Variants in GRM7 observed in about 807,000 individuals in gnomAD.
The protein encoded by GRM7 is glutamate metabotropic receptor 7, also known as metabotropic glutamate receptor 7.
In GRM7, 35 loss-of-function variants were observed where a neutral mutation model predicts 84.5. The observed-to-expected ratio is 0.41, with a 90% confidence interval of 0.32 to 0.55. The LOEUF (loss-of-function observed/expected upper bound fraction) is 0.55. GRM7 is among the 20% of genes least tolerant of loss of function. The pLI is 0.19. For missense variants in GRM7, 1,003 were observed against 1,194.6 expected, an observed-to-expected ratio of 0.84 and a Z score of 2.36; for synonymous variants, 487 against 455.1, an observed-to-expected ratio of 1.07 and a Z score of -0.89.
chr3:7,221,537 A>G (rs1696800929), intron 2 of GRM7, among the ~76,000 whole-genome samples: 1 of 151,936 alleles, frequency 6.6e-6, no homozygotes, highest in Non-Finnish European at 1.5e-5. Context: ...GACTTAGTCA[A>G]TCTCTTCTAA....
chr3:7,136,123 C>A (rs997304313), intron 1 of GRM7, among the ~76,000 whole-genome samples: 2 of 151,688 alleles, frequency 1.3e-5, no homozygotes, highest in Non-Finnish European at 2.9e-5. Context: ...CATAATATTT[C>A]TTTTTTTATT....
chr3:7,449,693 A>G (rs1326197641), intron 5 of GRM7, among the ~76,000 whole-genome samples: 1 of 152,166 alleles, frequency 6.6e-6, no homozygotes, highest in Non-Finnish European at 1.5e-5. Context: ...CATATAGTAA[A>G]GGCAGAACCT....
intron 4 of GRM7, among the ~76,000 whole-genome samples, chr3:7,377,948 C>T (rs1694424367): frequency 6.6e-6 from 1 of 152,164 alleles, no homozygotes; most frequent in Admixed American, 6.5e-5. Flanking sequence ...CACGGTGGTT[C>T]TCAGTCACAT....
intron 9 of GRM7, among the ~76,000 whole-genome samples, chr3:7,718,806 T>G (rs111828103): frequency 1.3e-3 from 192 of 152,248 alleles, no homozygotes; most frequent in African/African-American, 4.2e-3. Context: ...CAGGACTGAT[T>G]TTTCAGACGT....
At chr3:7,431,773 C>T (rs535000759) in intron 5 of GRM7, among the ~76,000 whole-genome samples, 4 of 152,104 alleles carry the variant, frequency 2.6e-5, no homozygotes, top group East Asian at 1.9e-4. Context: ...TGTTGTTCAC[C>T]GCAGTACACT....
At chr3:7,003,186 C>T (rs1363941707) in intron 1 of GRM7, among the ~76,000 whole-genome samples, 1 of 152,012 alleles carries the variant, frequency 6.6e-6, no homozygotes, top group African/African-American at 2.4e-5. Flanking sequence ...GCATGTTGAC[C>T]ACAGTTAATA....
chr3:6,865,752 GA>G (rs1336022280), intron 1 of GRM7, among the ~76,000 whole-genome samples: 1 of 152,026 alleles, frequency 6.6e-6, no homozygotes, highest in African/African-American at 2.4e-5. Context: ...GAAATACCTA[GA>G]TTTTTTTTTC....
chr3:7,705,535 G>A (rs1415720846), intron 9 of GRM7, among the ~76,000 whole-genome samples: 2 of 152,120 alleles, frequency 1.3e-5, no homozygotes, highest in Non-Finnish European at 2.9e-5. Context: ...GAAGTAGAGG[G>A]AATTATGAAA....
chr3:7,526,415 G>C (rs111815029), intron 7 of GRM7, among the ~76,000 whole-genome samples: 14,211 of 151,948 alleles, frequency 0.094, 824 homozygotes, highest in South Asian at 0.12. Flanking sequence ...GTTTCTTATA[G>C]ATTATGGATA....
chr3:7,424,197 C>T (rs1398784274), intron 5 of GRM7, among the ~76,000 whole-genome samples: 6 of 151,870 alleles, frequency 4.0e-5, no homozygotes, highest in Admixed American at 3.9e-4. Context: ...AGAGCAATAC[C>T]TGGTAGGGAT....
intron 4 of GRM7, among the ~76,000 whole-genome samples, chr3:7,386,936 T>C (rs1694808572): frequency 6.6e-6 from 1 of 152,204 alleles, no homozygotes; most frequent in Non-Finnish European, 1.5e-5. Flanking sequence ...ATCTGTTATG[T>C]TTTGATTTTT....
intron 1 of GRM7, among the ~76,000 whole-genome samples, chr3:7,098,495 T>C (rs909139808): frequency 6.6e-6 from 1 of 151,996 alleles, no homozygotes; most frequent in African/African-American, 2.4e-5. Context: ...TAGAATCAGA[T>C]ATGAGATTTT....
chr3:7,075,441 C>T (rs559427879), intron 1 of GRM7, among the ~76,000 whole-genome samples: 20 of 151,770 alleles, frequency 1.3e-4, no homozygotes, highest in Admixed American at 3.9e-4. Context: ...TTCAACTCCA[C>T]GTGGATAAGT....
intron 9 of GRM7, among the ~76,000 whole-genome samples, chr3:7,709,485 C>A (rs988649990): frequency 1.3e-5 from 2 of 152,072 alleles, no homozygotes; most frequent in African/African-American, 4.8e-5. Context: ...AAATGAGTGT[C>A]AGTGGAGACA....
intron 2 of GRM7, among the ~76,000 whole-genome samples, chr3:7,194,278 G>A (rs1335294546): frequency 2.0e-5 from 3 of 151,978 alleles, no homozygotes; most frequent in Non-Finnish European, 4.4e-5. Flanking sequence ...TTATCTCCAA[G>A]TCCCTAATTT....
intron 8 of GRM7, among the ~76,000 whole-genome samples, chr3:7,631,753 AC>A (rs752209906): frequency 2.0e-5 from 3 of 152,084 alleles, no homozygotes; most frequent in Non-Finnish European, 2.9e-5. Context: ...GGGTGTGTCA[AC>A]TAAAAATGCC....
chr3:6,922,839 T>C (rs1387324744), intron 1 of GRM7, among the ~76,000 whole-genome samples: 3 of 152,174 alleles, frequency 2.0e-5, no homozygotes, highest in Admixed American at 6.5e-5. Context: ...GCCATTGGAA[T>C]GGTCTGATTT....
At chr3:7,066,374 C>T (rs188931102) in intron 1 of GRM7, among the ~76,000 whole-genome samples, 7 of 151,798 alleles carry the variant, frequency 4.6e-5, no homozygotes, top group Non-Finnish European at 8.8e-5. Context: ...TACAAAAGCT[C>T]ATTCAAGGCT....
chr3:7,283,764 G>T (rs1699333960), intron 2 of GRM7, among the ~76,000 whole-genome samples: 1 of 152,036 alleles, frequency 6.6e-6, no homozygotes. Context: ...TCTACACATG[G>T]ACTTTACGGG....
Sources: gnomAD v4.1 joint callset for allele counts (sites outside exome capture counted in the v4.1 genomes callset) on GRCh38, gnomAD v4.1.1 for gene constraint, MANE v1.5 for transcripts, NCBI Gene and HGNC (gene_info 2026-07-23, HGNC 2026-07-21) for gene names.